Variants in MEI4 observed in about 807,000 individuals in gnomAD.
The protein encoded by MEI4 is meiosis-specific protein MEI4.
In MEI4, 27 loss-of-function variants were observed where a neutral mutation model predicts 31.4. The observed-to-expected ratio is 0.86, with a 90% CI of 0.63 to 1.19. MEI4 has a LOEUF of 1.19. Ranked by LOEUF, MEI4 falls within the 50% of genes most tolerant of loss-of-function variation. The pLI is 0.00. For missense variants in MEI4, 329 were observed against 398.9 expected, an observed-to-expected ratio of 0.82 and a Z score of 1.49; for synonymous variants, 122 against 145.4, an observed-to-expected ratio of 0.84 and a Z score of 1.16.
At chr6:77,676,127 T>C (rs371600729) in intron 1 of MEI4, among the ~76,000 whole-genome samples, 2 of 152,168 alleles carry the variant, frequency 1.3e-5, no homozygotes, top group East Asian at 1.9e-4. Context: ...TGCAACCATT[T>C]ACATGGAAGT....
chr6:77,749,794 A>T (rs553915600), intron 2 of MEI4, among the ~76,000 whole-genome samples: 1 of 152,306 alleles, frequency 6.6e-6, no homozygotes, highest in African/African-American at 2.4e-5. Context: ...CCTGAAGAAG[A>T]GCAACCCCAA....
intron 3 of MEI4, among the ~76,000 whole-genome samples, chr6:77,791,604 C>T (rs982853140): frequency 3.3e-5 from 5 of 149,396 alleles, no homozygotes; most frequent in African/African-American, 7.4e-5. Flanking sequence ...GTGGGTGCAG[C>T]GCACCAGCAT....
chr6:77,798,907 C>G (rs899189229), intron 3 of MEI4, among the ~76,000 whole-genome samples: 25 of 151,742 alleles, frequency 1.6e-4, no homozygotes, highest in African/African-American at 4.6e-4. Flanking sequence ...GGACATTTGG[C>G]TTGGTTCCAA....
rs116423043 is a variant in MEI4 at position 77,892,197 on chromosome 6, G to A, written c.901-30892G>A. Among the ~76,000 whole-genome samples, 286 of 152,248 alleles carry A rather than the reference G, an allele frequency of 1.9e-3. 2 individuals carry two copies. Among genetic ancestry groups the A allele is most frequent in the African/African-American group, 6.3e-3 (260 of 41,552 alleles). ...GTGGTGGTGGTGGTAGTCTGTGCAA[G>A]CCACCCCCTACTCCCCATGATGGTG... is the stretch of plus-strand genomic sequence containing the variant. On this transcript the variant is annotated intron_variant, in intron 4 of 4. Transcript: ENST00000684080.
chr6:77,867,646 G>T (rs972680574), intron 4 of MEI4, among the ~76,000 whole-genome samples: 17 of 152,160 alleles, frequency 1.1e-4, no homozygotes, highest in Non-Finnish European at 1.8e-4. Context: ...AACCATTGTG[G>T]AAGTCAGTGT....
chr6:77,837,076 C>T (rs1007419710), intron 4 of MEI4, among the ~76,000 whole-genome samples: 3 of 152,060 alleles, frequency 2.0e-5, no homozygotes, highest in African/African-American at 7.2e-5. Flanking sequence ...CTAAAAATTT[C>T]CACATCACTG....
At chr6:77,810,642 T>A (rs1287948742) in intron 3 of MEI4, among the ~76,000 whole-genome samples, 1 of 152,202 alleles carries the variant, frequency 6.6e-6, no homozygotes, top group Non-Finnish European at 1.5e-5. Context: ...TCAGACTTCA[T>A]GAGGCTTTCT....
chr6:77,867,395 A>G (rs970964805), intron 4 of MEI4, among the ~76,000 whole-genome samples: 1 of 152,180 alleles, frequency 6.6e-6, no homozygotes, highest in African/African-American at 2.4e-5. Flanking sequence ...CCCCATCAAC[A>G]AGTCGGCGAA....
intron 4 of MEI4, among the ~76,000 whole-genome samples, chr6:77,872,709 T>G (rs947573734): frequency 2.1e-5 from 3 of 144,128 alleles, no homozygotes; most frequent in African/African-American, 5.1e-5. Context: ...TAGGTATATC[T>G]CCTAATGCTA....
chr6:77,919,462 C>T (rs1174271434), intron 4 of MEI4, among the ~76,000 whole-genome samples: 3 of 151,914 alleles, frequency 2.0e-5, no homozygotes, highest in African/African-American at 7.3e-5. Context: ...AGAACAAAGA[C>T]ACAACATACC....
At chr6:77,769,302 G>A (rs9885742) in intron 3 of MEI4, among the ~76,000 whole-genome samples, 4,790 of 152,230 alleles carry the variant, frequency 0.031, 244 homozygotes, top group African/African-American at 0.11. Context: ...TAGAGGGAAT[G>A]TTTATACTAG....
upstream of MEI4, among the ~76,000 whole-genome samples, chr6:77,650,651 G>C (rs1016254524): frequency 6.6e-6 from 1 of 152,240 alleles, no homozygotes; most frequent in African/African-American, 2.4e-5. Flanking sequence ...TGTGCCTGTG[G>C]ACCACTCGTC....
At chr6:77,878,098 T>C (rs539238143) in intron 4 of MEI4, among the ~76,000 whole-genome samples, 3 of 152,232 alleles carry the variant, frequency 2.0e-5, no homozygotes, top group African/African-American at 7.2e-5. Context: ...AAAGATTGGT[T>C]TGATTCAGGT....
At chr6:77,824,924 C>T (rs1366928084) in intron 3 of MEI4, among the ~76,000 whole-genome samples, 1 of 152,122 alleles carries the variant, frequency 6.6e-6, no homozygotes, top group Non-Finnish European at 1.5e-5. Context: ...TTCATTCTAA[C>T]ATGCATCCAT....
chr6:77,666,037 T>A (rs947381422), intron 1 of MEI4, among the ~76,000 whole-genome samples: 2 of 152,118 alleles, frequency 1.3e-5, no homozygotes, highest in African/African-American at 4.8e-5. Context: ...CAAACAGGCT[T>A]TGTGTGAGCA....
At chr6:77,907,643 G>C (rs1318354675) in intron 4 of MEI4, among the ~76,000 whole-genome samples, 1 of 152,066 alleles carries the variant, frequency 6.6e-6, no homozygotes, top group African/African-American at 2.4e-5. Context: ...AATCCTTTGG[G>C]TATATACCCA....
At chr6:77,913,391 C>A (rs1054900049) in intron 4 of MEI4, among the ~76,000 whole-genome samples, 3 of 152,054 alleles carry the variant, frequency 2.0e-5, no homozygotes, top group African/African-American at 7.2e-5. Flanking sequence ...TGGTAGAGTT[C>A]AACAGTGAAG....
chr6:77,920,579 A>G lies in MEI4; in HGVS notation c.901-2510A>G, dbSNP rs1309026904. On this transcript the variant is annotated intron_variant, in intron 4 of 4. Coordinates refer to ENST00000684080, the MANE Select transcript of MEI4 (RefSeq NM_001322247.2). ...ATGAATTACACATTTTCTTAATGAC[A>G]TCTAGAATGGTGAATCCCTTCCGGA... Among the ~76,000 whole-genome samples, 4 of 152,010 alleles carry G rather than the reference A, an allele frequency of 2.6e-5. No homozygotes were observed. The East Asian group carries it at 7.7e-4, about 29-fold the overall frequency.
intron 3 of MEI4, among the ~76,000 whole-genome samples, chr6:77,816,743 G>A (rs967233452): frequency 6.6e-6 from 1 of 152,116 alleles, no homozygotes; most frequent in Non-Finnish European, 1.5e-5. Flanking sequence ...AAAACCCATT[G>A]TTGAACATAC....
Sources: gnomAD v4.1 joint callset for allele counts (sites outside exome capture counted in the v4.1 genomes callset) on GRCh38, gnomAD v4.1.1 for gene constraint, MANE v1.5 for transcripts, NCBI Gene and HGNC (gene_info 2026-07-23, HGNC 2026-07-21) for gene names.